Variants in ZNF148 observed in about 807,000 individuals in gnomAD.
ZNF148 encodes zinc finger protein 148.
Under a neutral mutation model 67.7 loss-of-function variants are expected in ZNF148, and 7 were observed. That is an observed-to-expected ratio of 0.10 (90% CI 0.06 to 0.19). ZNF148 has a LOEUF of 0.19. ZNF148 is among the 10% of genes least tolerant of loss of function. The pLI, the probability that ZNF148 is intolerant of heterozygous loss-of-function variation, is 1.00. For synonymous variants in ZNF148, 333 were observed against 330.7 expected (o/e 1.01, Z -0.08); for missense variants, 583 against 947.1 (o/e 0.62, Z 5.05).
At chr3:125,246,519 A>ATAT (rs10689484) in intron 7 of ZNF148, among the ~76,000 whole-genome samples, 117,032 of 151,810 alleles carry the variant, frequency 0.77, 45,654 homozygotes, top group African/African-American at 0.85. Flanking sequence ...CAAAATGGAA[A>ATAT]TAATAGAATA....
chr3:125,292,296 C>G lies in ZNF148; in HGVS notation c.334-4068G>C, dbSNP rs115171561. Among the ~76,000 whole-genome samples the G allele has an allele frequency of 1.9e-3, 287 of 152,282 alleles. 2 individuals carry two copies. The highest frequency in any genetic ancestry group is 2.9e-3 in the Non-Finnish European group (199 of 68,008). ...TGTTAGGGGAAAGTCCACAGCTATC[C>G]TTTGATTTTCGAAAAGGTTCAGAGA... On this transcript the variant is annotated intron_variant, in intron 4 of 8. Coordinates refer to ENST00000360647, the MANE Select transcript of ZNF148 (RefSeq NM_021964.3).
intron 3 of ZNF148, among the ~76,000 whole-genome samples, chr3:125,317,662 T>TATATATATATATATAGAGAGAGAGAGAG (rs752542874): frequency 4.4e-5 from 4 of 90,050 alleles, no homozygotes; most frequent in Middle Eastern, 8.2e-3. Flanking sequence ...TATATATATA[T>TATATATATATATATAGAGAGAGAGAGAG]AGAGAGAGAG....
chr3:125,262,255 C>T (rs1465113647), intron 7 of ZNF148, among the ~76,000 whole-genome samples: 1 of 152,162 alleles, frequency 6.6e-6, no homozygotes, highest in Non-Finnish European at 1.5e-5. Flanking sequence ...CTGATATTTG[C>T]CTTTTATCAT....
intron 7 of ZNF148, among the ~76,000 whole-genome samples, 198 bp downstream of exon 7, chr3:125,277,528 A>C (rs1187564122): frequency 6.6e-6 from 1 of 152,212 alleles, no homozygotes; most frequent in Non-Finnish European, 1.5e-5. Flanking sequence ...CTCTATTTCA[A>C]AGTAATTTCT....
chr3:125,336,134 T>TA (rs1201223578), intron 1 of ZNF148, among the ~76,000 whole-genome samples: 3 of 152,220 alleles, frequency 2.0e-5, no homozygotes, highest in Non-Finnish European at 4.4e-5. Flanking sequence ...AAACGTGTAA[T>TA]GCTTACACAT....
At chr3:125,372,555 G>A (rs1942924780) in intron 1 of ZNF148, among the ~76,000 whole-genome samples, 1 of 152,164 alleles carries the variant, frequency 6.6e-6, no homozygotes, top group Non-Finnish European at 1.5e-5. Context: ...AAAAAAGCAT[G>A]GTAAGAAATA....
intron 4 of ZNF148, among the ~76,000 whole-genome samples, chr3:125,292,969 T>G (rs1420251532): frequency 6.6e-6 from 1 of 152,194 alleles, no homozygotes; most frequent in Non-Finnish European, 1.5e-5. Context: ...TAAAGAGATA[T>G]CAAAAAAATG....
At chr3:125,321,809 A>G (rs1940783502) in intron 3 of ZNF148, among the ~76,000 whole-genome samples, 1 of 152,118 alleles carries the variant, frequency 6.6e-6, no homozygotes, top group Non-Finnish European at 1.5e-5. Flanking sequence ...GTAATCTTAC[A>G]TAATAAATAT....
intron 7 of ZNF148, among the ~76,000 whole-genome samples, chr3:125,251,106 AATC>A (rs1445171703): frequency 3.9e-5 from 6 of 152,200 alleles, no homozygotes; most frequent in African/African-American, 1.4e-4. Context: ...AATAAATCAT[AATC>A]ATAGCTCATT....
intron 7 of ZNF148, among the ~76,000 whole-genome samples, chr3:125,270,245 G>A (rs548652809): frequency 6.6e-6 from 1 of 151,962 alleles, no homozygotes; most frequent in South Asian, 2.1e-4. Flanking sequence ...AGTGGCTCAG[G>A]CCTATAATCC....
At chr3:125,248,952 T>C (rs1013157020) in intron 7 of ZNF148, among the ~76,000 whole-genome samples, 2 of 152,182 alleles carry the variant, frequency 1.3e-5, no homozygotes, top group Admixed American at 1.3e-4. Flanking sequence ...AATTTGCATT[T>C]CAATCTAGAA....
intron 4 of ZNF148, among the ~76,000 whole-genome samples, chr3:125,310,725 G>A (rs1386708859): frequency 1.3e-5 from 2 of 152,134 alleles, no homozygotes; most frequent in Admixed American, 6.5e-5. Context: ...CTGGGCAGGG[G>A]GAAATGCAGA....
intron 3 of ZNF148, 54 bp from the exon 4 acceptor site, chr3:125,313,710 T>C: frequency 1.5e-6 from 2 of 1,349,546 alleles, no homozygotes; most frequent in African/African-American, 1.5e-5. Flanking sequence ...ATATGACTAC[T>C]TCATTTTAAA....
At chr3:125,238,127 A>G (rs1229565598) in intron 7 of ZNF148, among the ~76,000 whole-genome samples, 1 of 152,172 alleles carries the variant, frequency 6.6e-6, no homozygotes, top group East Asian at 1.9e-4. Context: ...TCATAAACAA[A>G]AGTTAACTGA....
At chr3:125,307,365 G>A (rs1041338116) in intron 4 of ZNF148, among the ~76,000 whole-genome samples, 1 of 151,414 alleles carries the variant, frequency 6.6e-6, no homozygotes, top group African/African-American at 2.4e-5. Context: ...GTGCAGTGGC[G>A]CGATCTCAGC....
chr3:125,335,498 G>A (rs933277343), intron 1 of ZNF148, among the ~76,000 whole-genome samples: 14 of 152,156 alleles, frequency 9.2e-5, no homozygotes, highest in African/African-American at 2.9e-4. Flanking sequence ...AGACTTGACT[G>A]TCTTAACAAT....
At chr3:125,254,857 G>A (rs1367371970) in intron 7 of ZNF148, among the ~76,000 whole-genome samples, 3 of 151,852 alleles carry the variant, frequency 2.0e-5, no homozygotes, top group African/African-American at 7.3e-5. Context: ...ATCTGTTTTG[G>A]ATTAAATCTT....
chr3:125,265,746 A>C (rs1937518609), intron 7 of ZNF148, among the ~76,000 whole-genome samples: 1 of 152,190 alleles, frequency 6.6e-6, no homozygotes, highest in Non-Finnish European at 1.5e-5. Context: ...TTTAAGGTAG[A>C]GTTCCTCCAT....
Position 125,232,918 on chromosome 3 carries a change from T to C in ZNF148, c.1808A>G (p.Gln603Arg). 1.2e-6 allele frequency: 2 copies of C among 1,613,838 alleles called. No homozygotes were observed. The change falls in exon 9 of 9, where the codon CAG (glutamine) becomes CGG (arginine). Residue 603 changes from glutamine to arginine, a missense_variant. Gln to Arg is a conservative substitution (Grantham distance 43). Transcript: ENST00000360647. The surrounding 1 kb of genome is among the most constrained non-coding windows in gnomAD (Gnocchi z 4.2). ...ASSSDKANML[Q>R]EYSKFLQQAL... The stretch of plus-strand genomic sequence containing the variant: ...CTGCTGCAGAAACTTGGAGTATTCC[T>C]GCAACATGTTGGCTTTATCTGATGA...
Sources: gnomAD v4.1 joint callset for allele counts (sites outside exome capture counted in the v4.1 genomes callset) on GRCh38, gnomAD v4.1.1 for gene constraint, Gnocchi (gnomAD v3.1) non-coding constraint, MANE v1.5 for transcripts, NCBI Gene and HGNC (gene_info 2026-07-23, HGNC 2026-07-21) for gene names.